The following RPGRIP1L variants were observed in gnomAD, a reference collection of about 807,000 sequenced individuals.
The protein encoded by RPGRIP1L is RPGRIP1 like.
In RPGRIP1L, 131 loss-of-function variants were observed where a neutral mutation model predicts 160.4. The ratio of observed to expected loss-of-function variants is 0.82; its 90% CI spans 0.71 to 0.94. The LOEUF (loss-of-function observed/expected upper bound fraction) is 0.94, where lower values mean the gene tolerates loss of function less well. Among genes scored for constraint, RPGRIP1L ranks in the 40% least tolerant of loss-of-function variants. The probability of loss-of-function intolerance (pLI) is 0.00; values close to 1 mark genes in which losing one functional copy is unlikely to be tolerated. For missense variants in RPGRIP1L, 1,522 were observed against 1,535.8 expected, an observed-to-expected ratio of 0.99 and a Z score of 0.15; for synonymous variants, 510 against 515.8, an observed-to-expected ratio of 0.99 and a Z score of 0.15.
intron 6 of RPGRIP1L, among the ~76,000 whole-genome samples, chr16:53,681,045 A>G (rs879256068): frequency 2.6e-5 from 4 of 152,204 alleles, no homozygotes; most frequent in Non-Finnish European, 5.9e-5. Context: ...CAATTTCTCA[A>G]AATGAAAAGT....
chr16:53,648,608 G>A lies in RPGRIP1L; in HGVS notation c.2304+356C>T, dbSNP rs183657544. Among the ~76,000 whole-genome samples, 387 of 85,034 alleles carry A rather than the reference G, an allele frequency of 4.6e-3. 6 individuals carry two copies. The highest frequency in any genetic ancestry group is 0.045 in the East Asian group (122 of 2,736). 55.8% of individuals were successfully genotyped at this position (85,034 alleles called of 152,430 possible). Reference sequence around the variant, plus strand: ...AAAGAATAATTGCACATATACGTACGCGCGTGCGCGCGCGCGCGCACACAC... The same window carrying A: ...AAAGAATAATTGCACATATACGTACACGCGTGCGCGCGCGCGCGCACACAC... On this transcript the variant is annotated intron_variant, in intron 16 of 26. Transcript: ENST00000647211.
In RPGRIP1L at chr16:53,635,078, T is replaced by C. The variant is rs1366897947; in HGVS notation, c.3294+1361A>G. Among the ~76,000 whole-genome samples the C allele has an allele frequency of 3.3e-5, 5 of 152,132 alleles. No individual in the cohort carries two copies. In the South Asian group the frequency reaches 8.3e-4, roughly 25 times the overall value. The stretch of plus-strand genomic sequence containing the variant: ...AGACAAATTATTTTCCCTTAGGTAA[T>C]GAGAAAAAAATCCAGTTTATTAGAA... On this transcript the variant is annotated intron_variant, in intron 22 of 26. Coordinates refer to ENST00000647211, the MANE Select transcript of RPGRIP1L (RefSeq NM_015272.5).
At chr16:53,634,219 C>T (rs894401952) in intron 22 of RPGRIP1L, among the ~76,000 whole-genome samples, 3 of 152,140 alleles carry the variant, frequency 2.0e-5, no homozygotes, top group African/African-American at 7.2e-5. Context: ...GGTGCTAATC[C>T]CATTCACGAG....
chr16:53,610,659 C>T (rs1963973458), intron 25 of RPGRIP1L, among the ~76,000 whole-genome samples: 1 of 152,120 alleles, frequency 6.6e-6, no homozygotes. Flanking sequence ...CAGAGTGTAC[C>T]CACCTTTCAA....
chr16:53,645,795 A>T lies in RPGRIP1L; in HGVS notation c.2513T>A (p.Phe838Tyr). 1.2e-6 allele frequency: 2 copies of T among 1,614,068 alleles called. No homozygotes were observed. The highest frequency in any genetic ancestry group is 1.1e-5 in the South Asian group (1 of 91,076). The change falls in exon 17 of 27, where the codon TTT becomes TAT. Residue 838 changes from phenylalanine to tyrosine, a missense_variant. By Grantham distance (22) the Phe-to-Tyr change is conservative. Coordinates refer to ENST00000647211, the MANE Select transcript of RPGRIP1L (RefSeq NM_015272.5). ...CACTGGGAAATACATATGATCATCAAACTGTGGATCATTGCTACTGGGAAT... is the reference window on the plus strand; with the variant it reads ...CACTGGGAAATACATATGATCATCATACTGTGGATCATTGCTACTGGGAAT... ...AIIPSSNDPQ[F>Y]DDHMYFPVPM...
chr16:53,615,626 A>G (rs1964328420), intron 24 of RPGRIP1L, among the ~76,000 whole-genome samples: 1 of 151,814 alleles, frequency 6.6e-6, no homozygotes, highest in Non-Finnish European at 1.5e-5. Flanking sequence ...GGCGCCTGCC[A>G]CCATGCCCAT....
chr16:53,653,882 A>C lies in RPGRIP1L; in HGVS notation c.1700-895T>G, dbSNP rs76018686. ...TATTTATCTTCTCAACTCCATTCCT[A>C]TATTTCTAAAGTTTTGTTTAACCCT... On this transcript the variant is annotated intron_variant, in intron 14 of 26. Transcript: ENST00000647211. Among the ~76,000 whole-genome samples, 959 of 152,222 alleles carry C rather than the reference A, an allele frequency of 6.3e-3. 7 individuals carry two copies. The highest frequency in any genetic ancestry group is 7.5e-3 in the Non-Finnish European group (512 of 68,016).
rs1966505363 is a variant in RPGRIP1L at position 53,645,802 on chromosome 16, G to A, written c.2506C>T (p.Pro836Ser). 1 of 1,613,986 alleles carries A rather than the reference G, an allele frequency of 6.2e-7. No homozygotes were observed. The highest frequency in any genetic ancestry group is 1.7e-5 in the Admixed American group (1 of 59,986). Residue 836 changes from proline to serine, a missense_variant, in exon 17 of 27, where the codon CCA becomes TCA. Transcript: ENST00000647211. ...DTAIIPSSND[P>S]QFDDHMYFPV... ...AAATACATATGATCATCAAACTGTG[G>A]ATCATTGCTACTGGGAATGATAGCT... is the stretch of plus-strand genomic sequence containing the variant.
Position 53,611,064 on chromosome 16 carries a change from A to G in RPGRIP1L, c.3617-13T>C, listed in dbSNP as rs776593940. 4 of 1,558,940 alleles carry G rather than the reference A, an allele frequency of 2.6e-6. No homozygotes were observed. The African/African-American group carries it at 4.1e-5, about 16-fold the overall frequency. ...TCCACGTAGATCACTATACCAAAAG[A>G]AAAAAAAATGCCAAAAAGGAAGTCA... is the stretch of plus-strand genomic sequence containing the variant. On this transcript the variant is annotated splice_polypyrimidine_tract_variant and intron_variant, in intron 24 of 26. Coordinates refer to ENST00000647211, the MANE Select transcript of RPGRIP1L (RefSeq NM_015272.5).
chr16:53,688,245 C>T lies in RPGRIP1L; in HGVS notation c.530-280G>A, dbSNP rs74018186. Among the ~76,000 whole-genome samples, 9,807 of 151,954 alleles carry T rather than the reference C, an allele frequency of 0.065. 892 individuals carry two copies. Among genetic ancestry groups the T allele is most frequent in the African/African-American group, 0.21 (8,537 of 41,446 alleles). On this transcript the variant is annotated intron_variant, in intron 4 of 26. Coordinates refer to ENST00000647211, the MANE Select transcript of RPGRIP1L (RefSeq NM_015272.5). ...TTTTATTCAACTTAAGATTTAGACT[C>T]CTGCAGTAATTTCTGAAATAAATCA...
At position 53,645,900 on chromosome 16, in the gene RPGRIP1L, T is replaced by C. The variant is rs1966513057; in HGVS notation, c.2408A>G (p.Gln803Arg). 1.2e-6 allele frequency: 2 copies of C among 1,614,064 alleles called. No individual in the cohort carries two copies. The highest frequency in any genetic ancestry group is 1.7e-5 in the Admixed American group (1 of 60,002). The change falls in exon 17 of 27, where the codon CAG (glutamine) becomes CGG (arginine). Residue 803 changes from glutamine to arginine, a missense_variant. By Grantham distance (43) the Gln-to-Arg change is conservative (BLOSUM62 1). Transcript: ENST00000647211. ...TGGCTGCAGGTGGCTTGCTCGGGAC[T>C]GCAGGTGGTTGCAACATCTTATTGT... is the stretch of plus-strand genomic sequence containing the variant. ...HITIRCCNHLQSRASHLQPHP... is the reference protein window; with the variant it reads ...HITIRCCNHLRSRASHLQPHP...
At chr16:53,624,692 G>A (rs1012593911) in intron 22 of RPGRIP1L, among the ~76,000 whole-genome samples, 8 of 152,098 alleles carry the variant, frequency 5.3e-5, no homozygotes, top group Non-Finnish European at 8.8e-5. Context: ...AGGTGGTAGG[G>A]TACTATTATT....
chr16:53,683,830 A>C (rs1200306745), intron 6 of RPGRIP1L, among the ~76,000 whole-genome samples: 1 of 151,974 alleles, frequency 6.6e-6, no homozygotes, highest in African/African-American at 2.4e-5. Flanking sequence ...AAAATGGCAA[A>C]GAAGAATGGG....
At chr16:53,680,702 A>T (rs1485660461) in intron 6 of RPGRIP1L, among the ~76,000 whole-genome samples, 2 of 152,070 alleles carry the variant, frequency 1.3e-5, no homozygotes, top group East Asian at 3.9e-4. Flanking sequence ...GTTATGTAGG[A>T]GGATGTCCTT....
chr16:53,689,124 A>C lies in RPGRIP1L; in HGVS notation c.530-1159T>G, dbSNP rs550832216. Among the ~76,000 whole-genome samples, 25 of 150,968 alleles carry C rather than the reference A, an allele frequency of 1.7e-4. No homozygotes were observed. In the East Asian group the frequency reaches 4.1e-3, roughly 25 times the overall value. On this transcript the variant is annotated intron_variant, in intron 4 of 26. Transcript: ENST00000647211. The stretch of plus-strand genomic sequence containing the variant: ...TATATAAAACCTTTTAAAGATTGAT[A>C]CATAATATTTGTACATATCACTGGG...
rs765430813 is a variant in RPGRIP1L at position 53,656,551 on chromosome 16, C to A, written c.1620G>T (p.Leu540Phe). The stretch of plus-strand genomic sequence containing the variant: ...CCACTTTGAGTTCATAATCTTGCTG[C>A]AAATTTTCCATCTTACGGGTCACTG... The part of the protein sequence containing the change: ...VEAVTRKMEN[L>F]QQDYELKVEQ... Residue 540 changes from leucine to phenylalanine, a missense_variant, in exon 14 of 27, where the codon TTG (leucine) becomes TTT (phenylalanine). Physicochemically the swap from Leu to Phe is conservative, Grantham distance 22. Transcript: ENST00000647211. The A allele has an allele frequency of 6.2e-7, 1 of 1,613,936 alleles. No homozygotes were observed. Among genetic ancestry groups the A allele is most frequent in the Non-Finnish European group, 8.5e-7 (1 of 1,179,890 alleles).
chr16:53,627,976 A>G (rs1329345512), intron 22 of RPGRIP1L, among the ~76,000 whole-genome samples: 1 of 152,332 alleles, frequency 6.6e-6, no homozygotes, highest in East Asian at 1.9e-4. Flanking sequence ...TGTTGCATTA[A>G]ATATCCTTTT....
chr16:53,702,032 T>C (rs1306684201), intron 1 of RPGRIP1L, among the ~76,000 whole-genome samples: 1 of 152,166 alleles, frequency 6.6e-6, no homozygotes, highest in South Asian at 2.1e-4. Context: ...ATGAAAATGA[T>C]TAGTTTTCCA....
intron 19 of RPGRIP1L, among the ~76,000 whole-genome samples, chr16:53,640,524 A>AAT (rs1186124307): frequency 6.6e-6 from 1 of 152,154 alleles, no homozygotes; most frequent in Non-Finnish European, 1.5e-5. Flanking sequence ...GAGCATGAGA[A>AAT]GTATAACAGT....
Sources: gnomAD v4.1 joint callset for allele counts (sites outside exome capture counted in the v4.1 genomes callset) on GRCh38, gnomAD v4.1.1 for gene constraint, MANE v1.5 for transcripts, NCBI Gene and HGNC (gene_info 2026-07-23, HGNC 2026-07-21) for gene names.